The following DCDC1 variants were observed in gnomAD, a reference collection of about 807,000 sequenced individuals.
The protein encoded by DCDC1 is doublecortin domain-containing protein 1.
A neutral mutation model predicts 178.3 loss-of-function variants in DCDC1; 200 were observed. The observed-to-expected ratio is 1.12, with a 90% confidence interval of 1.00 to 1.26. The LOEUF is 1.26. Ranked by LOEUF, DCDC1 falls within the 50% of genes most tolerant of loss-of-function variation. The pLI is 0.00. For synonymous variants in DCDC1, 690 were observed against 604.8 expected (o/e 1.14, Z -2.07); for missense variants, 1,983 against 1,749.2 (o/e 1.13, Z -2.38).
intron 11 of DCDC1, among the ~76,000 whole-genome samples, chr11:31,115,981 T>TGGGGGGGGGGG (rs548179744): frequency 3.7e-4 from 14 of 38,098 alleles, no homozygotes; most frequent in Admixed American, 5.9e-4. Context: ...GCTGTGGCAG[T>TGGGGGGGGGGG]GGGGGGGGGG....
intron 2 of DCDC1, among the ~76,000 whole-genome samples, chr11:31,329,468 C>A (rs1591775880): frequency 6.6e-6 from 1 of 151,914 alleles, no homozygotes; most frequent in African/African-American, 2.4e-5. Flanking sequence ...TACATATGTA[C>A]ACATGTGCCA....
intron 11 of DCDC1, among the ~76,000 whole-genome samples, chr11:31,119,951 G>A (rs1474110201): frequency 2.6e-5 from 4 of 152,124 alleles, no homozygotes; most frequent in Non-Finnish European, 5.9e-5. Context: ...AATAATCGTG[G>A]CCTTGGGTCA....
chr11:31,328,669 G>A (rs1403259257), intron 2 of DCDC1, among the ~76,000 whole-genome samples: 1 of 151,928 alleles, frequency 6.6e-6, no homozygotes, highest in East Asian at 1.9e-4. Context: ...TTAGCCGGGT[G>A]TGGTGGTGGC....
Position 30,899,573 on chromosome 11 carries a change from T to A in DCDC1, c.4733A>T (p.Asp1578Val). 1 of 1,587,032 alleles carries A rather than the reference T, an allele frequency of 6.3e-7. No individual in the cohort carries two copies. The highest frequency in any genetic ancestry group is 8.6e-7 in the Non-Finnish European group (1 of 1,166,402). The change falls in exon 34 of 39, where the codon GAT becomes GTT. Residue 1578 changes from aspartate (D) to valine (V), a missense_variant. Asp to Val is a radical substitution (Grantham distance 152, BLOSUM62 -3). Coordinates refer to ENST00000684477, the MANE Select transcript of DCDC1 (RefSeq NM_001387274.1). The stretch of plus-strand genomic sequence containing the variant: ...CTGTCTCATTTTGTGTCTCATGGTA[T>A]CTAGATCAGCCAAAATTCTGTCCTT... ...LKKDRILADL[D>V]TMRHKMRQLK...
intron 9 of DCDC1, among the ~76,000 whole-genome samples, chr11:31,158,462 G>A (rs1965970607): frequency 6.6e-6 from 1 of 152,100 alleles, no homozygotes; most frequent in Admixed American, 6.5e-5. Flanking sequence ...TTGTACAATA[G>A]ATTTCATGAA....
intron 25 of DCDC1, among the ~76,000 whole-genome samples, chr11:30,919,711 G>C (rs1413514543): frequency 1.3e-5 from 2 of 152,084 alleles, no homozygotes; most frequent in South Asian, 2.1e-4. Flanking sequence ...AGGAAGTTTG[G>C]TTCCTAAAAT....
At chr11:30,869,042 T>G (rs1941291873) in intron 38 of DCDC1, among the ~76,000 whole-genome samples, 1 of 152,232 alleles carries the variant, frequency 6.6e-6, no homozygotes, top group African/African-American at 2.4e-5. Flanking sequence ...ATCACGCTTG[T>G]GAAAGGGGGT....
At chr11:31,333,336 TC>T (rs1351729990) in intron 2 of DCDC1, among the ~76,000 whole-genome samples, 1 of 152,196 alleles carries the variant, frequency 6.6e-6, no homozygotes, top group African/African-American at 2.4e-5. Context: ...CTATCCAATT[TC>T]CCAGTCTGTG....
intron 11 of DCDC1, among the ~76,000 whole-genome samples, chr11:31,124,355 C>A (rs1961277357): frequency 6.6e-6 from 1 of 151,850 alleles, no homozygotes; most frequent in South Asian, 2.1e-4. Context: ...CAGCCATACT[C>A]CCCAAAGCAA....
chr11:31,194,373 AT>A (rs1156778879), intron 9 of DCDC1, among the ~76,000 whole-genome samples: 1 of 152,020 alleles, frequency 6.6e-6, no homozygotes, highest in East Asian at 1.9e-4. Context: ...ACATGGAGTT[AT>A]TTTTTTCTGA....
intron 9 of DCDC1, among the ~76,000 whole-genome samples, chr11:31,232,782 C>T (rs1297273097): frequency 6.6e-6 from 1 of 152,070 alleles, no homozygotes; most frequent in African/African-American, 2.4e-5. Context: ...CCAGTGAGCA[C>T]TTACTAGGTT....
chr11:30,927,288 T>C (rs932184383), intron 22 of DCDC1, among the ~76,000 whole-genome samples: 1 of 152,034 alleles, frequency 6.6e-6, no homozygotes, highest in Non-Finnish European at 1.5e-5. Flanking sequence ...CTGCTGCATG[T>C]GGCTTTCTGA....
intron 9 of DCDC1, among the ~76,000 whole-genome samples, chr11:31,197,617 C>T (rs1175158507): frequency 6.6e-6 from 1 of 152,054 alleles, no homozygotes; most frequent in Non-Finnish European, 1.5e-5. Flanking sequence ...TTCTCAACCA[C>T]CATGCAAACT....
chr11:31,355,099 G>C (rs1951270197), intron 1 of DCDC1, among the ~76,000 whole-genome samples: 1 of 152,104 alleles, frequency 6.6e-6, no homozygotes, highest in African/African-American at 2.4e-5. Context: ...GATTTTCTAT[G>C]GCTAGAGAGG....
At chr11:30,951,804 AAG>A (rs1289983129) in intron 21 of DCDC1, among the ~76,000 whole-genome samples, 1 of 152,154 alleles carries the variant, frequency 6.6e-6, no homozygotes, top group African/African-American at 2.4e-5. Flanking sequence ...TTTGGTCTGA[AAG>A]AACACAAGAA....
intron 15 of DCDC1, among the ~76,000 whole-genome samples, chr11:31,095,336 G>A (rs1219372157): frequency 1.3e-5 from 2 of 152,058 alleles, no homozygotes; most frequent in Non-Finnish European, 2.9e-5. Flanking sequence ...GGCATTTCTG[G>A]TTCTAGATCC....
At chr11:31,204,700 T>A (rs182423680) in intron 9 of DCDC1, among the ~76,000 whole-genome samples, 133 of 152,264 alleles carry the variant, frequency 8.7e-4, no homozygotes, top group African/African-American at 3.0e-3. Context: ...CAGGAGCCTG[T>A]AACCCCAGGA....
intron 25 of DCDC1, 73 bp downstream of exon 25, chr11:30,920,703 G>T: frequency 6.4e-7 from 1 of 1,561,290 alleles, no homozygotes; most frequent in Non-Finnish European, 8.7e-7. Context: ...CATGGGCTCT[G>T]TGCTGTTATC....
chr11:31,309,142 T>TGTGTGTG (rs1555173338), intron 3 of DCDC1, among the ~76,000 whole-genome samples: 3,168 of 147,872 alleles, frequency 0.021, 58 homozygotes, highest in Admixed American at 0.039. Context: ...AAATAGATGT[T>TGTGTGTG]TGTGTGTGTG....
Sources: allele counts gnomAD v4.1 joint callset (sites outside exome capture counted in the v4.1 genomes callset), GRCh38; gene constraint gnomAD v4.1.1; transcripts MANE v1.5; gene names NCBI Gene and HGNC (gene_info 2026-07-23, HGNC 2026-07-21).